Variants in CLCNKA observed in about 807,000 individuals in gnomAD.
The protein encoded by CLCNKA is chloride channel protein ClC-Ka.
In CLCNKA, 66 loss-of-function variants were observed where a neutral mutation model predicts 83.3. The observed-to-expected ratio is 0.79, with a 90% confidence interval of 0.65 to 0.97. The LOEUF is 0.97. Ranked by LOEUF, CLCNKA falls within the 50% of genes least tolerant of loss-of-function variation. CLCNKA has a pLI of 0.00. For synonymous variants in CLCNKA, 357 were observed against 370.4 expected (o/e 0.96, Z 0.42); for missense variants, 806 against 888.7 (o/e 0.91, Z 1.18).
chr1:16,025,043 G>T, intron 4 of CLCNKA, 152 bp downstream of exon 4: 1 of 1,052,974 alleles, frequency 9.5e-7, no homozygotes, highest in Non-Finnish European at 1.4e-6. Flanking sequence ...AAGAAGGCCA[G>T]ATCTTGACTC....
Position 16,029,298 on chromosome 1 carries a change from A to C in CLCNKA, c.1226A>C (p.Lys409Thr), listed in dbSNP as rs1480250105. The C allele has an allele frequency of 3.7e-6, 6 of 1,613,720 alleles. No individual in the cohort carries two copies. Among genetic ancestry groups the C allele is most frequent in the Non-Finnish European group, 4.2e-6 (5 of 1,179,968 alleles). Residue 409 changes from lysine to threonine, a missense_variant and splice_region_variant, in exon 12 of 20, where the codon AAG becomes ACG. Coordinates refer to ENST00000331433, the MANE Select transcript of CLCNKA (RefSeq NM_004070.4). The part of the protein sequence containing the change: ...FGTLAFFLVM[K>T]FWMLILATTI... The stretch of plus-strand genomic sequence containing the variant: ...ACCCTTGCCTTCTTCCTGGTTATGA[A>C]GGTGGGCCCCCTGACCCCCAGGTGT...
chr1:16,023,491 T>A (rs1447263617), intron 2 of CLCNKA, among the ~76,000 whole-genome samples: 1 of 152,176 alleles, frequency 6.6e-6, no homozygotes, highest in Non-Finnish European at 1.5e-5. Flanking sequence ...GTGCCACCAC[T>A]GTCACCTGCC....
intron 15 of CLCNKA, 133 bp downstream of exon 15, chr1:16,030,807 C>G (rs983998042): frequency 4.7e-6 from 6 of 1,272,566 alleles, no homozygotes; most frequent in Non-Finnish European, 6.6e-6. Flanking sequence ...GGCTGACACA[C>G]AGCTGTGCTC....
In CLCNKA at chr1:16,030,672, C is replaced by T. The variant is rs139787278; in HGVS notation, c.1620C>T (p.Ile540=). Residue 540 remains isoleucine (I), a splice_region_variant and synonymous_variant, in exon 15 of 20, where the codon ATC becomes ATT. Transcript: ENST00000331433. ...PYLPRILGRN[I]GSHHVRVEHF... Reference sequence around the variant, plus strand: ...TGCCACGGATTCTGGGCCGCAACATCGGGTGAGTGGTGCCCACCTCAGGCT... The same window carrying T: ...TGCCACGGATTCTGGGCCGCAACATTGGGTGAGTGGTGCCCACCTCAGGCT... 3.9e-4 allele frequency: 624 copies of T among 1,613,284 alleles called. 1 individual carries two copies. The African/African-American group carries it at 5.1e-3, about 13-fold the overall frequency.
In CLCNKA at chr1:16,024,782, G is replaced by T; in HGVS notation, c.249G>T (p.Arg83Ser). 6.2e-7 allele frequency: 1 copy of T among 1,614,026 alleles called. No individual in the cohort carries two copies. Among genetic ancestry groups the T allele is most frequent in the Non-Finnish European group, 8.5e-7 (1 of 1,179,962 alleles). ...CCCCAGCACACCAGTGGCTGTACAG[G>T]GAGATTGGGGACAGCCACCTGCTCC... ...CVVRAHQWLY[R>S]EIGDSHLLRY... The change falls in exon 4 of 20, where the codon AGG becomes AGT. Residue 83 changes from arginine (R) to serine (S), a missense_variant. Transcript: ENST00000331433.
chr1:16,027,162 A>C (rs1197914448), intron 7 of CLCNKA, 148 bp from the exon 8 acceptor site: 53 of 1,177,336 alleles, frequency 4.5e-5, no homozygotes, highest in Non-Finnish European at 5.1e-5. Context: ...CCCAGGGCGC[A>C]AGCCCTGCCC....
rs2022455812 is a variant in CLCNKA at position 16,028,210 on chromosome 1, T to C, written c.968+91T>C. The C allele has an allele frequency of 9.0e-6, 11 of 1,225,100 alleles. No individual in the cohort carries two copies. The South Asian group carries it at 1.1e-4, about 12-fold the overall frequency. The allele number at this position is 1,225,100 out of a possible 1,614,324, so 75.9% of individuals were successfully genotyped here. On this transcript the variant is annotated intron_variant, in intron 10 of 19. Transcript: ENST00000331433. ...GAAAGCCCCACCCCCATCCTCCCAC[T>C]GAGCCCCTAAATCCCTCCCTAGCCC...
At chr1:16,027,799 C>G in intron 8 of CLCNKA, 22 bp from the exon 9 acceptor site, 2 of 1,598,294 alleles carry the variant, frequency 1.3e-6, no homozygotes, top group Non-Finnish European at 1.7e-6. Context: ...CATCTTGGCT[C>G]CCCACTGCCC....
Position 16,033,828 on chromosome 1 carries a change from G to C in CLCNKA, c.*170G>C. On this transcript the variant is annotated 3_prime_UTR_variant, in exon 20 of 20. Coordinates refer to ENST00000331433, the MANE Select transcript of CLCNKA (RefSeq NM_004070.4). ...CCCAGAAGAGGATGGCTCATCCTGG[G>C]TGGGACGATGGCTCCTGCCTTGAAA... is the stretch of plus-strand genomic sequence containing the variant. The C allele has an allele frequency of 1.5e-6, 1 of 649,458 alleles. No individual in the cohort carries two copies. The highest frequency in any genetic ancestry group is 2.8e-6 in the Non-Finnish European group (1 of 363,192). The allele number at this position is 649,458 out of a possible 1,614,324, so 40.2% of individuals were successfully genotyped here. A position where few individuals can be genotyped will look rare whatever the true frequency, so the allele number is the denominator to read the frequency against.
chr1:16,031,842 A>C lies in CLCNKA; in HGVS notation c.1755A>C (p.Thr585=). 1 of 1,613,804 alleles carries C rather than the reference A, an allele frequency of 6.2e-7. No homozygotes were observed. Among genetic ancestry groups the C allele is most frequent in the South Asian group, 1.1e-5 (1 of 91,084 alleles). Residue 585 remains threonine (T), a splice_region_variant and synonymous_variant, in exon 16 of 20, where the codon ACA becomes ACC. Coordinates refer to ENST00000331433, the MANE Select transcript of CLCNKA (RefSeq NM_004070.4). ...CCGAGTATCCCCTGGTGGAGAGCAC[A>C]GGTGCCCAGCTGGAAGGGAGGAGGA... ...DVTEYPLVES[T]ESQILVGIVQ...
chr1:16,033,576 T>TCCCC, intron 19 of CLCNKA, 35 bp from the exon 20 acceptor site: 4 of 659,104 alleles, frequency 6.1e-6, no homozygotes, highest in Admixed American at 4.7e-5. Context: ...CTCCTCTACA[T>TCCCC]CCCCCCCCAC....
intron 4 of CLCNKA, among the ~76,000 whole-genome samples, chr1:16,025,788 C>A (rs2022323007): frequency 6.6e-6 from 1 of 152,102 alleles, no homozygotes; most frequent in African/African-American, 2.4e-5. Flanking sequence ...GAGTTTCACT[C>A]TTGTTGCCCA....
rs920616136 is a variant in CLCNKA at position 16,030,630 on chromosome 1, C to G, written c.1578C>G (p.Val526=). The G allele has an allele frequency of 1.2e-6, 2 of 1,612,958 alleles. No homozygotes were observed. Among genetic ancestry groups the G allele is most frequent in the African/African-American group, 2.7e-5 (2 of 74,952 alleles). The change falls in exon 15 of 20, where the codon GTC becomes GTG. Residue 526 remains valine (V), a synonymous_variant. Transcript: ENST00000331433. ...CCTTCTATGATGGCACCATCATTGT[C>G]AAGAAGCTGCCATACCTGCCACGGA... ...QPSFYDGTII[V]KKLPYLPRIL... is the part of the protein sequence containing the mutation.
chr1:16,033,577 C>T lies in CLCNKA; in HGVS notation c.2017-34C>T, dbSNP rs201201124. The T allele has an allele frequency of 2.8e-3, 1,890 of 666,130 alleles. 29 individuals carry two copies. The African/African-American group carries it at 0.031, about 11-fold the overall frequency. The allele number at this position is 666,130 out of a possible 1,614,324, so 41.3% of individuals were successfully genotyped here. On this transcript the variant is annotated intron_variant, in intron 19 of 19. Transcript: ENST00000331433. Reference sequence around the variant, plus strand: ...GCCCCCCTCACAACCTCCTCTACATCCCCCCCCACCTCCACCCCCTTTCTC... The same window carrying T: ...GCCCCCCTCACAACCTCCTCTACATTCCCCCCCACCTCCACCCCCTTTCTC...
intron 8 of CLCNKA, 127 bp downstream of exon 8, chr1:16,027,562 T>G: frequency 6.6e-7 from 1 of 1,512,356 alleles, no homozygotes; most frequent in Non-Finnish European, 8.9e-7. Flanking sequence ...CTCCTCCGTG[T>G]TCCCACCTCC....
At position 16,030,504 on chromosome 1, in the gene CLCNKA, G is replaced by A. The variant is rs562047995; in HGVS notation, c.1452G>A (p.Thr484=). Residue 484 remains threonine (T), a synonymous_variant, in exon 15 of 20, where the codon ACG becomes ACA. Transcript: ENST00000331433. ...FSGAVTHTIS[T]ALLAFELTGQ... is the part of the protein sequence containing the mutation. ...GGGCTGTGACCCACACCATCTCCAC[G>A]GCGCTGCTGGCCTTTGAGCTGACCG... is the stretch of plus-strand genomic sequence containing the variant. The A allele has an allele frequency of 5.0e-6, 8 of 1,613,016 alleles. No individual in the cohort carries two copies. The highest frequency in any genetic ancestry group is 4.5e-5 in the East Asian group (2 of 44,880).
At chr1:16,030,341 G>T (rs1232852307) in intron 14 of CLCNKA, 120 bp from the exon 15 acceptor site, 2 of 1,268,020 alleles carry the variant, frequency 1.6e-6, no homozygotes, top group East Asian at 4.9e-5. Flanking sequence ...CAGTGCCCAG[G>T]CTGTGGCCTC....
intron 10 of CLCNKA, 155 bp from the exon 11 acceptor site, chr1:16,028,606 T>C (rs111929377): frequency 1.1e-6 from 1 of 905,944 alleles, no homozygotes; most frequent in Non-Finnish European, 1.8e-6. Context: ...GAGGGGGCCA[T>C]GTTCCCTGCT....
At chr1:16,022,896 G>T (rs1463403424) in intron 2 of CLCNKA, among the ~76,000 whole-genome samples, 177 bp downstream of exon 2, 1 of 152,246 alleles carries the variant, frequency 6.6e-6, no homozygotes, top group Non-Finnish European at 1.5e-5. Context: ...AGCTGTCTGT[G>T]GGTCAGATGG....
Sources: allele counts gnomAD v4.1 joint callset (sites outside exome capture counted in the v4.1 genomes callset), GRCh38; gene constraint gnomAD v4.1.1; transcripts MANE v1.5; gene names NCBI Gene and HGNC (gene_info 2026-07-23, HGNC 2026-07-21).